The following WWOX variants were observed in gnomAD, a reference collection of about 807,000 sequenced individuals.
WWOX encodes the protein WW domain containing oxidoreductase.
In WWOX, 69 loss-of-function variants were observed where a neutral mutation model predicts 46.2. That is an observed-to-expected ratio of 1.49 (90% CI 1.23 to 1.82). The LOEUF is 1.82. Among genes scored for constraint, WWOX ranks in the 40% most tolerant of loss-of-function variants. WWOX has a pLI of 0.00. For missense variants in WWOX, 919 were observed against 542.6 expected (o/e 1.69, Z -6.89); for synonymous variants, 359 against 202.6 (o/e 1.77, Z -6.56).
At chr16:79,133,276 C>T (rs1490020007) in intron 8 of WWOX, among the ~76,000 whole-genome samples, 1 of 152,176 alleles carries the variant, frequency 6.6e-6, no homozygotes, top group South Asian at 2.1e-4. Context: ...CTTCAGATCA[C>T]AGCCCTTTAC....
At chr16:78,722,366 T>A (rs183832409) in intron 8 of WWOX, among the ~76,000 whole-genome samples, 19 of 152,300 alleles carry the variant, frequency 1.2e-4, no homozygotes, top group African/African-American at 4.1e-4. Context: ...TCGCAGTATC[T>A]AACTCATGGG....
At chr16:78,967,331 C>A (rs990717793) in intron 8 of WWOX, among the ~76,000 whole-genome samples, 19 of 133,378 alleles carry the variant, frequency 1.4e-4, no homozygotes, top group African/African-American at 5.2e-4. Flanking sequence ...ACTCTGTCAC[C>A]CAGGCTGGAG....
intron 8 of WWOX, among the ~76,000 whole-genome samples, chr16:79,099,656 A>G (rs1038487149): frequency 3.9e-5 from 6 of 152,046 alleles, no homozygotes; most frequent in East Asian, 1.9e-4. Context: ...AACTAATTCA[A>G]TTTATTTCTG....
At chr16:78,979,657 A>G (rs1222968808) in intron 8 of WWOX, among the ~76,000 whole-genome samples, 1 of 152,190 alleles carries the variant, frequency 6.6e-6, no homozygotes, top group Non-Finnish European at 1.5e-5. Context: ...TGTCTCTAAG[A>G]CAATGATCAG....
intron 8 of WWOX, among the ~76,000 whole-genome samples, chr16:79,145,817 A>C (rs1246348867): frequency 1.3e-5 from 2 of 152,196 alleles, no homozygotes; most frequent in African/African-American, 4.8e-5. Context: ...TAAGATGGAG[A>C]TAGAAAAAAA....
intron 8 of WWOX, among the ~76,000 whole-genome samples, chr16:78,467,681 T>C (rs2151430976): frequency 6.6e-6 from 1 of 152,326 alleles, no homozygotes; most frequent in South Asian, 2.1e-4. Flanking sequence ...AAGCTTTGCT[T>C]AATTAATGTC....
chr16:78,416,690 A>G (rs527801670), intron 6 of WWOX, among the ~76,000 whole-genome samples: 33 of 152,314 alleles, frequency 2.2e-4, no homozygotes, highest in African/African-American at 7.9e-4. Flanking sequence ...AAAATTCCCA[A>G]TGTCCAGGCC....
Position 78,469,376 on chromosome 16 carries a change from A to G in WWOX, c.1056+36624A>G, listed in dbSNP as rs188914347. Among the ~76,000 whole-genome samples the G allele has an allele frequency of 1.4e-3, 207 of 152,320 alleles. No homozygotes were observed. In the Middle Eastern group the frequency reaches 0.017, roughly 13 times the overall value. ...TTACAAAGGCAGACTCTTAAGCTAC[A>G]AAATACATCTCTTCACAGGAGCACT... is the stretch of plus-strand genomic sequence containing the variant. On this transcript the variant is annotated intron_variant, in intron 8 of 8. Transcript: ENST00000566780.
At chr16:78,568,910 C>T (rs1167451927) in intron 8 of WWOX, among the ~76,000 whole-genome samples, 1 of 152,350 alleles carries the variant, frequency 6.6e-6, no homozygotes, top group African/African-American at 2.4e-5. Flanking sequence ...ATAATCCTAA[C>T]ACTGTCATCC....
At chr16:79,056,746 C>G (rs937449586) in intron 8 of WWOX, among the ~76,000 whole-genome samples, 2 of 152,162 alleles carry the variant, frequency 1.3e-5, no homozygotes, top group African/African-American at 2.4e-5. Flanking sequence ...CCCTTTAACT[C>G]AAGAAGTTTT....
At chr16:78,509,464 A>G (rs770910708) in intron 8 of WWOX, among the ~76,000 whole-genome samples, 3 of 151,916 alleles carry the variant, frequency 2.0e-5, no homozygotes, top group Non-Finnish European at 4.4e-5. Flanking sequence ...ATATAATAAT[A>G]ATAATAATCG....
chr16:78,615,041 T>C (rs1335898888), intron 8 of WWOX, among the ~76,000 whole-genome samples: 2 of 152,178 alleles, frequency 1.3e-5, no homozygotes. Context: ...GGCTAATGCA[T>C]TGTCAATTCA....
chr16:79,031,784 T>C (rs1195958732), intron 8 of WWOX, among the ~76,000 whole-genome samples: 4 of 139,740 alleles, frequency 2.9e-5, no homozygotes, highest in Middle Eastern at 3.6e-3. Context: ...TAGAAAGATA[T>C]ATAATCTATA....
chr16:78,640,808 G>T (rs2046688536), intron 8 of WWOX, among the ~76,000 whole-genome samples: 1 of 151,990 alleles, frequency 6.6e-6, no homozygotes, highest in African/African-American at 2.4e-5. Context: ...GCGTGGCAGT[G>T]TGTGCCTGTA....
At chr16:78,100,941 G>A (rs1030480546) in intron 1 of WWOX, among the ~76,000 whole-genome samples, 5 of 152,162 alleles carry the variant, frequency 3.3e-5, no homozygotes, top group African/African-American at 1.2e-4. Context: ...CAGGTGAGGT[G>A]GAATATCACC....
chr16:79,079,669 T>G (rs1350337022), intron 8 of WWOX, among the ~76,000 whole-genome samples: 1 of 152,236 alleles, frequency 6.6e-6, no homozygotes, highest in East Asian at 1.9e-4. Flanking sequence ...CTCCTTCTTC[T>G]GTGGCATTTC....
chr16:78,144,429 C>CGTATATA (rs2034094015), intron 4 of WWOX, among the ~76,000 whole-genome samples: 1 of 15,400 alleles, frequency 6.5e-5, no homozygotes, highest in Non-Finnish European at 1.1e-4. Flanking sequence ...TTTGCCATTA[C>CGTATATA]TATATATATA....
chr16:78,764,314 T>G (rs2049873337), intron 8 of WWOX, among the ~76,000 whole-genome samples: 1 of 151,464 alleles, frequency 6.6e-6, no homozygotes, highest in Admixed American at 6.6e-5. Flanking sequence ...GGCCTTTTGG[T>G]CAGCATTGCA....
At chr16:79,098,540 C>T (rs1211570681) in intron 8 of WWOX, among the ~76,000 whole-genome samples, 1 of 152,236 alleles carries the variant, frequency 6.6e-6, no homozygotes, top group African/African-American at 2.4e-5. Context: ...ATGGATTTCT[C>T]CAAAAGCAAT....
Sources: allele counts gnomAD v4.1 joint callset (sites outside exome capture counted in the v4.1 genomes callset), GRCh38; gene constraint gnomAD v4.1.1; transcripts MANE v1.5; gene names NCBI Gene and HGNC (gene_info 2026-07-23, HGNC 2026-07-21).